ZFYVE9: variants seen among roughly 807,000 people sequenced by gnomAD.
The protein encoded by ZFYVE9 is zinc finger FYVE domain-containing protein 9.
ZFYVE9 carries 43 observed loss-of-function variants against 126.7 expected under a neutral mutation model. The ratio of observed to expected loss-of-function variants is 0.34; its 90% CI spans 0.27 to 0.44. The LOEUF (loss-of-function observed/expected upper bound fraction) is 0.44. ZFYVE9 is among the 20% of genes least tolerant of loss of function. The probability of loss-of-function intolerance (pLI) is 1.00; values close to 1 mark genes in which losing one functional copy is unlikely to be tolerated. For missense variants in ZFYVE9, 1,476 were observed against 1,697.0 expected (o/e 0.87, Z 2.29); for synonymous variants, 521 against 597.4 (o/e 0.87, Z 1.87).
chr1:52,255,918 C>CTTTTCTTTTCTTTTCTTTTCTT, intron 4 of ZFYVE9, among the ~76,000 whole-genome samples: 1 of 81,490 alleles, frequency 1.2e-5, no homozygotes, highest in African/African-American at 7.1e-5. Flanking sequence ...CTTTTCTTTT[C>CTTTTCTTTTCTTTTCTTTTCTT]TTTTCTTTTC....
At chr1:52,162,880 G>A (rs1414733128) in intron 1 of ZFYVE9, 11 of 500,634 alleles carry the variant, frequency 2.2e-5, no homozygotes, top group Non-Finnish European at 4.2e-5. Context: ...TCGAGAATGG[G>A]ATTCAGAGTG....
intron 1 of ZFYVE9, among the ~76,000 whole-genome samples, chr1:52,200,026 G>GTTTTTTTTTTTTTTTTTTTTGTTTTTTT (rs35432772): frequency 6.9e-6 from 1 of 145,604 alleles, no homozygotes. Flanking sequence ...TTTTGATCCA[G>GTTTTTTTTTTTTTTTTTTTTGTTTTTTT]TTTTTTTTTT....
chr1:52,284,422 A>C (rs1365011893), intron 10 of ZFYVE9, among the ~76,000 whole-genome samples: 2 of 151,216 alleles, frequency 1.3e-5, no homozygotes, highest in African/African-American at 2.4e-5. Context: ...GTTTAGCATA[A>C]ATTTTTTTTT....
chr1:52,151,611 G>A (rs553975365), intron 1 of ZFYVE9, among the ~76,000 whole-genome samples: 91 of 151,758 alleles, frequency 6.0e-4, no homozygotes, highest in African/African-American at 2.1e-3. Flanking sequence ...TGCCTCCCGG[G>A]TTCAAGCAAT....
At chr1:52,150,156 G>A (rs1644341084) in intron 1 of ZFYVE9, 1 of 152,016 alleles carries the variant, frequency 6.6e-6, no homozygotes, top group Non-Finnish European at 1.5e-5. Flanking sequence ...AGGCTGAGGC[G>A]GGAAGATTGC....
At chr1:52,266,264 AT>A (rs1187181982) in intron 5 of ZFYVE9, among the ~76,000 whole-genome samples, 1 of 151,486 alleles carries the variant, frequency 6.6e-6, no homozygotes, top group Non-Finnish European at 1.5e-5. Flanking sequence ...CACCTGGCTA[AT>A]TTTTTGTATT....
intron 4 of ZFYVE9, among the ~76,000 whole-genome samples, chr1:52,256,596 C>T (rs1464977826): frequency 6.6e-6 from 1 of 152,150 alleles, no homozygotes; most frequent in Non-Finnish European, 1.5e-5. Flanking sequence ...TGGGCTGGTA[C>T]AGCCTCAGTT....
chr1:52,305,270 G>A (rs1410514425), intron 13 of ZFYVE9, among the ~76,000 whole-genome samples: 25 of 152,002 alleles, frequency 1.6e-4, no homozygotes, highest in African/African-American at 6.0e-4. Flanking sequence ...GTGAAACCCC[G>A]TCTCTACTAA....
chr1:52,150,799 G>A (rs1426311949), intron 1 of ZFYVE9, among the ~76,000 whole-genome samples: 5 of 150,456 alleles, frequency 3.3e-5, no homozygotes, highest in Non-Finnish European at 1.5e-5. Context: ...AGAAAAGATA[G>A]AACAAGCAAT....
chr1:52,146,590 G>A (rs1003205427), intron 1 of ZFYVE9, among the ~76,000 whole-genome samples: 1 of 151,984 alleles, frequency 6.6e-6, no homozygotes, highest in East Asian at 1.9e-4. Context: ...AGTATTAAAT[G>A]ATATAATGGG....
chr1:52,214,224 T>G (rs1645052363), intron 1 of ZFYVE9, among the ~76,000 whole-genome samples: 2 of 152,036 alleles, frequency 1.3e-5, no homozygotes, highest in Non-Finnish European at 2.9e-5. Context: ...GTCAGTAGTT[T>G]GAGACCAGCC....
chr1:52,169,273 C>T (rs1644542627), intron 1 of ZFYVE9, among the ~76,000 whole-genome samples: 1 of 152,112 alleles, frequency 6.6e-6, no homozygotes, highest in African/African-American at 2.4e-5. Flanking sequence ...CGTGGTGGTA[C>T]ACGCCTGTAC....
At chr1:52,176,956 A>G (rs904135854) in intron 1 of ZFYVE9, among the ~76,000 whole-genome samples, 8 of 152,126 alleles carry the variant, frequency 5.3e-5, no homozygotes, top group Admixed American at 6.5e-5. Context: ...GAGTGAGGCA[A>G]TGCCTTGCCC....
intron 2 of ZFYVE9, among the ~76,000 whole-genome samples, chr1:52,225,917 T>A (rs185626626): frequency 2.6e-5 from 4 of 152,006 alleles, no homozygotes; most frequent in Non-Finnish European, 5.9e-5. Context: ...GAGCAGAGGT[T>A]TAATAAACAG....
rs140282777 is a variant in ZFYVE9, at chr1:52,287,609, C to G, written c.3025+5793C>G. On this transcript the variant is annotated intron_variant, in intron 10 of 18. Transcript: ENST00000287727. ...GGAGGGGGTTCATTCCCTTCTTGCTCTCTCTTTGGGAAGCTGAGGCAGGAG... is the reference window on the plus strand; with the variant it reads ...GGAGGGGGTTCATTCCCTTCTTGCTGTCTCTTTGGGAAGCTGAGGCAGGAG... Among the ~76,000 whole-genome samples, 14 of 151,548 alleles carry G rather than the reference C, an allele frequency of 9.2e-5. No individual in the cohort carries two copies. In the East Asian group the frequency reaches 2.7e-3, roughly 30 times the overall value.
In ZFYVE9 at chr1:52,239,259, A is replaced by G. The variant is rs764010465; in HGVS notation, c.1842A>G (p.Lys614=). ...ACAGTGGAAATAATACTAAAAATAA[A>G]AATGATATTCTTGGGAAAGCAAAAT... ...PANSGNNTKN[K]NDILGKAKLG... is the part of the protein sequence containing the mutation. The change falls in exon 4 of 19, where the codon AAA becomes AAG. Residue 614 remains lysine (K), a synonymous_variant. Coordinates refer to ENST00000287727, the MANE Select transcript of ZFYVE9 (RefSeq NM_004799.4). The G allele has an allele frequency of 6.2e-7, 1 of 1,614,054 alleles. No homozygotes were observed. The highest frequency in any genetic ancestry group is 1.3e-5 in the African/African-American group (1 of 74,938).
At chr1:52,223,467 AC>A (rs1645142800) in intron 2 of ZFYVE9, among the ~76,000 whole-genome samples, 1 of 151,748 alleles carries the variant, frequency 6.6e-6, no homozygotes, top group African/African-American at 2.4e-5. Flanking sequence ...CTCTACATAC[AC>A]CTTTTGGGCC....
At chr1:52,147,094 A>G (rs944347476) in intron 1 of ZFYVE9, among the ~76,000 whole-genome samples, 2 of 152,202 alleles carry the variant, frequency 1.3e-5, no homozygotes, top group Non-Finnish European at 2.9e-5. Context: ...GGCTATGCGT[A>G]TAAGTATACA....
chr1:52,182,134 C>A (rs1465643336), intron 1 of ZFYVE9, among the ~76,000 whole-genome samples: 3 of 150,614 alleles, frequency 2.0e-5, no homozygotes, highest in Admixed American at 2.0e-4. Flanking sequence ...GGTGGGGGGT[C>A]AGCCCCCCGC....
Sources: gnomAD v4.1 joint callset for allele counts (sites outside exome capture counted in the v4.1 genomes callset) on GRCh38, gnomAD v4.1.1 for gene constraint, MANE v1.5 for transcripts, NCBI Gene and HGNC (gene_info 2026-07-23, HGNC 2026-07-21) for gene names.